PPFIA2: variants seen among roughly 807,000 people sequenced by gnomAD.
PPFIA2 encodes the protein PPFI scaffold protein A2, also known as liprin-alpha-2.
PPFIA2 carries 46 observed loss-of-function variants against 175.5 expected under a neutral mutation model. That is an observed-to-expected ratio of 0.26 (90% CI 0.21 to 0.34). PPFIA2 has a LOEUF of 0.34. Among genes scored for constraint, PPFIA2 ranks in the 10% least tolerant of loss-of-function variants. PPFIA2 has a pLI of 1.00. For missense variants in PPFIA2, 1,179 were observed against 1,506.1 expected (o/e 0.78, Z 3.60); for synonymous variants, 568 against 511.4 (o/e 1.11, Z -1.49).
rs551911591 is a variant in PPFIA2 at position 81,543,848 on chromosome 12, A to G, written c.304-85982T>C. ...CTCTGTGGTCTTCTTCCCCAAACCC[A>G]TAACTCTAATCTGATCATAAGAAAA... On this transcript the variant is annotated intron_variant, in intron 4 of 32. Coordinates refer to ENST00000549396, the MANE Select transcript of PPFIA2 (RefSeq NM_003625.5). 2.6e-5 allele frequency among the ~76,000 whole-genome samples: 4 copies of G among 152,278 alleles called. No individual in the cohort carries two copies. The East Asian group carries it at 7.7e-4, about 29-fold the overall frequency.
At position 81,691,145 on chromosome 12, in the gene PPFIA2, G is replaced by C. The variant is rs902993478; in HGVS notation, c.250-14301C>G. 5.3e-5 allele frequency among the ~76,000 whole-genome samples: 8 copies of C among 152,116 alleles called. No homozygotes were observed. In the East Asian group the frequency reaches 1.5e-3, roughly 29 times the overall value. On this transcript the variant is annotated intron_variant, in intron 3 of 32. Transcript: ENST00000549396. Reference sequence around the variant, plus strand: ...CCACAAGGGGTAATTAAAAATGTAAGTTAGAACAGGCTTGGCCTGAATGTA... The same window carrying C: ...CCACAAGGGGTAATTAAAAATGTAACTTAGAACAGGCTTGGCCTGAATGTA...
At chr12:81,528,401 C>T (rs546320423) in intron 4 of PPFIA2, among the ~76,000 whole-genome samples, 16 of 152,096 alleles carry the variant, frequency 1.1e-4, no homozygotes, top group East Asian at 1.9e-4. Context: ...AATATCCGTA[C>T]GCACTTTATA....
chr12:81,440,141 T>G (rs1268213506), intron 6 of PPFIA2, 95 bp from the exon 7 acceptor site: 1 of 864,442 alleles, frequency 1.2e-6, no homozygotes, highest in Non-Finnish European at 1.7e-6. Flanking sequence ...ACAGTCAATT[T>G]GGCAAATTAT....
chr12:81,702,786 T>A (rs2076649963), intron 3 of PPFIA2, among the ~76,000 whole-genome samples: 1 of 152,096 alleles, frequency 6.6e-6, no homozygotes, highest in Admixed American at 6.5e-5. Context: ...TGGAGGTAAT[T>A]AGGTTTAGAT....
At chr12:81,493,558 T>G (rs1305113065) in intron 4 of PPFIA2, among the ~76,000 whole-genome samples, 1 of 151,776 alleles carries the variant, frequency 6.6e-6, no homozygotes, top group African/African-American at 2.4e-5. Context: ...ACTGATGTTG[T>G]TAATATTGTC....
In PPFIA2 at chr12:81,396,580, A is replaced by G. The variant is rs150177302; in HGVS notation, c.762+9207T>C. Among the ~76,000 whole-genome samples the G allele has an allele frequency of 6.3e-3, 958 of 152,188 alleles. 13 individuals are homozygous for G. Among genetic ancestry groups the G allele is most frequent in the African/African-American group, 0.022 (914 of 41,540 alleles). On this transcript the variant is annotated intron_variant, in intron 8 of 32. Coordinates refer to ENST00000549396, the MANE Select transcript of PPFIA2 (RefSeq NM_003625.5). ...GTAGAGCCTTGTGTAAGTGGAAAGA[A>G]GTTGCAGAGTTTTGAGCAGACGATT... is the stretch of plus-strand genomic sequence containing the variant.
At chr12:81,656,836 T>C (rs1776324806) in intron 4 of PPFIA2, among the ~76,000 whole-genome samples, 1 of 151,934 alleles carries the variant, frequency 6.6e-6, no homozygotes, top group Admixed American at 6.6e-5. Context: ...AAATGTACTT[T>C]AATAGATTAA....
At chr12:81,261,881 TTTATTAGTC>T in intron 32 of PPFIA2, 59 bp downstream of exon 32, 1 of 1,052,328 alleles carries the variant, frequency 9.5e-7, no homozygotes, top group Non-Finnish European at 1.4e-6. Context: ...ATAGTGTATA[TTTATTAGTC>T]TATGTAGGTT....
At chr12:81,361,406 G>T (rs1371807580) in intron 15 of PPFIA2, among the ~76,000 whole-genome samples, 1 of 151,514 alleles carries the variant, frequency 6.6e-6, no homozygotes, top group Admixed American at 6.6e-5. Flanking sequence ...CAGTTCACAT[G>T]TAAAAATCAG....
intron 4 of PPFIA2, among the ~76,000 whole-genome samples, chr12:81,574,032 G>A (rs746892847): frequency 6.6e-6 from 1 of 151,722 alleles, no homozygotes; most frequent in Non-Finnish European, 1.5e-5. Context: ...CATAATTTTG[G>A]CTTACAACTA....
At chr12:81,668,920 G>A (rs1488606836) in intron 4 of PPFIA2, among the ~76,000 whole-genome samples, 1 of 151,930 alleles carries the variant, frequency 6.6e-6, no homozygotes, top group Non-Finnish European at 1.5e-5. Flanking sequence ...ATTACAATCT[G>A]AGACCTGTTA....
chr12:81,268,389 C>T (rs541566927), intron 28 of PPFIA2, among the ~76,000 whole-genome samples: 30 of 151,958 alleles, frequency 2.0e-4, no homozygotes, highest in Admixed American at 6.5e-4. Context: ...CCGCCCGCCT[C>T]GGCCTCCCAA....
In PPFIA2 at chr12:81,363,750, T is replaced by C. The variant is rs560953729; in HGVS notation, c.1546-966A>G. On this transcript the variant is annotated intron_variant, in intron 14 of 32. Transcript: ENST00000549396. Reference sequence around the variant, plus strand: ...CCCTTTTTATCTTTTTCCTGAATGATTTTTACCAGCTTCAGTCTCTTTCCT... The same window carrying C: ...CCCTTTTTATCTTTTTCCTGAATGACTTTTACCAGCTTCAGTCTCTTTCCT... Among the ~76,000 whole-genome samples the C allele has an allele frequency of 5.3e-5, 8 of 151,920 alleles. No individual in the cohort carries two copies. The South Asian group carries it at 1.0e-3, about 20-fold the overall frequency.
chr12:81,729,053 T>A (rs12321564), intron 3 of PPFIA2, among the ~76,000 whole-genome samples: 2,397 of 151,598 alleles, frequency 0.016, 64 homozygotes, highest in African/African-American at 0.054. Context: ...TTACGAAATA[T>A]CAAAATTGTT....
intron 4 of PPFIA2, among the ~76,000 whole-genome samples, chr12:81,549,652 C>T (rs2067568773): frequency 6.6e-6 from 1 of 152,012 alleles, no homozygotes; most frequent in South Asian, 2.1e-4. Flanking sequence ...CAAAACATCA[C>T]TCACATAAGG....
chr12:81,335,341 G>C (rs978369868), intron 21 of PPFIA2, among the ~76,000 whole-genome samples: 20 of 152,150 alleles, frequency 1.3e-4, no homozygotes, highest in Non-Finnish European at 4.4e-5. Context: ...ATTACATCCT[G>C]AATCTATGTT....
intron 4 of PPFIA2, among the ~76,000 whole-genome samples, chr12:81,582,754 A>G (rs570323346): frequency 1.3e-5 from 2 of 152,002 alleles, no homozygotes; most frequent in Admixed American, 6.6e-5. Context: ...TCAAATTTGT[A>G]TTACCAAATA....
intron 4 of PPFIA2, among the ~76,000 whole-genome samples, chr12:81,608,268 G>A (rs140002050): frequency 8.8e-4 from 134 of 152,074 alleles, no homozygotes; most frequent in African/African-American, 2.9e-3. Flanking sequence ...TCTTTGTTGT[G>A]TCTCTGTCAG....
At chr12:81,435,774 G>A (rs988297621) in intron 7 of PPFIA2, among the ~76,000 whole-genome samples, 2 of 151,934 alleles carry the variant, frequency 1.3e-5, no homozygotes, top group Non-Finnish European at 2.9e-5. Context: ...TTAATTATCC[G>A]TTCTGAATTT....
Sources: allele counts gnomAD v4.1 joint callset (sites outside exome capture counted in the v4.1 genomes callset), GRCh38; gene constraint gnomAD v4.1.1; transcripts MANE v1.5; gene names NCBI Gene and HGNC (gene_info 2026-07-23, HGNC 2026-07-21).